The following ATP9A variants were observed in gnomAD, a reference collection of about 807,000 sequenced individuals.
The protein encoded by ATP9A is ATPase phospholipid transporting 9A.
Under a neutral mutation model 144.1 loss-of-function variants are expected in ATP9A, and 52 were observed. That is an observed-to-expected ratio of 0.36 (90% CI 0.29 to 0.45). The LOEUF (loss-of-function observed/expected upper bound fraction) is 0.45, where lower values mean the gene tolerates loss of function less well. Ranked by LOEUF, ATP9A falls within the 20% of genes least tolerant of loss-of-function variation. ATP9A has a pLI of 1.00. For missense variants in ATP9A, 947 were observed against 1,392.7 expected (o/e 0.68, Z 5.09); for synonymous variants, 582 against 557.4 (o/e 1.04, Z -0.62).
intron 14 of ATP9A, among the ~76,000 whole-genome samples, chr20:51,641,707 T>G (rs2122749975): frequency 6.6e-6 from 1 of 151,112 alleles, no homozygotes; most frequent in African/African-American, 2.4e-5. Flanking sequence ...GGCAGGCGCC[T>G]GTAATCCCAG....
chr20:51,729,597 T>A (rs2077731240), intron 2 of ATP9A, among the ~76,000 whole-genome samples: 1 of 151,988 alleles, frequency 6.6e-6, no homozygotes. Context: ...ATACAAAAAT[T>A]AGCCACGCGT....
intron 9 of ATP9A, among the ~76,000 whole-genome samples, chr20:51,679,022 C>G (rs1016671603): frequency 6.6e-6 from 1 of 151,834 alleles, no homozygotes; most frequent in African/African-American, 2.4e-5. Context: ...AGGAGCTTGC[C>G]TATCTAAAAA....
chr20:51,762,552 A>G (rs998843257), intron 1 of ATP9A, among the ~76,000 whole-genome samples: 3 of 151,416 alleles, frequency 2.0e-5, no homozygotes, highest in Non-Finnish European at 4.4e-5. Context: ...CCAGCTACGC[A>G]GGAGGCCGAT....
At chr20:51,759,709 A>T (rs2122917879) in intron 1 of ATP9A, among the ~76,000 whole-genome samples, 1 of 152,238 alleles carries the variant, frequency 6.6e-6, no homozygotes, top group African/African-American at 2.4e-5. Context: ...ATTAAAAAAT[A>T]AAATAAGATG....
At chr20:51,653,147 C>T (rs1353800966) in intron 14 of ATP9A, among the ~76,000 whole-genome samples, 1 of 150,562 alleles carries the variant, frequency 6.6e-6, no homozygotes, top group East Asian at 2.0e-4. Context: ...GTAACACTGG[C>T]CTCTGAAGAC....
chr20:51,629,242 T>C (rs2077261567), intron 15 of ATP9A, among the ~76,000 whole-genome samples, 170 bp from the exon 16 acceptor site: 1 of 152,182 alleles, frequency 6.6e-6, no homozygotes, highest in Non-Finnish European at 1.5e-5. Flanking sequence ...GGGCAAAGGC[T>C]ACAGAAAGTA....
intron 1 of ATP9A, among the ~76,000 whole-genome samples, chr20:51,752,121 G>A (rs1373028231): frequency 6.6e-6 from 1 of 152,240 alleles, no homozygotes; most frequent in Admixed American, 6.5e-5. Context: ...CAGAGTGAAT[G>A]GTCTGGAAAG....
At chr20:51,622,926 C>T (rs1401519286) in intron 18 of ATP9A, among the ~76,000 whole-genome samples, 1 of 152,196 alleles carries the variant, frequency 6.6e-6, no homozygotes, top group Non-Finnish European at 1.5e-5. Flanking sequence ...AAGATCATGA[C>T]AATTGTCTCC....
chr20:51,663,356 A>C (rs1241522600), intron 13 of ATP9A, among the ~76,000 whole-genome samples: 1 of 152,218 alleles, frequency 6.6e-6, no homozygotes, highest in East Asian at 1.9e-4. Context: ...ATACAGGTGA[A>C]TTCAATGTTT....
chr20:51,622,653 T>C (rs1228101297), intron 18 of ATP9A, among the ~76,000 whole-genome samples: 1 of 152,108 alleles, frequency 6.6e-6, no homozygotes, highest in Non-Finnish European at 1.5e-5. Flanking sequence ...CGTAAATGAG[T>C]CAGGTTCTTC....
intron 14 of ATP9A, among the ~76,000 whole-genome samples, chr20:51,645,945 A>G (rs944048794): frequency 3.9e-5 from 6 of 152,248 alleles, no homozygotes; most frequent in Non-Finnish European, 7.3e-5. Context: ...TAGGGTCTCA[A>G]TAACTGCAGG....
At chr20:51,765,187 C>G (rs1192284947) in intron 1 of ATP9A, among the ~76,000 whole-genome samples, 2 of 152,162 alleles carry the variant, frequency 1.3e-5, no homozygotes, top group Non-Finnish European at 2.9e-5. Flanking sequence ...CCCCCAGCCC[C>G]TAGTTCTATT....
intron 1 of ATP9A, among the ~76,000 whole-genome samples, chr20:51,751,362 G>A (rs1031151360): frequency 2.0e-5 from 3 of 150,090 alleles, no homozygotes; most frequent in Non-Finnish European, 3.0e-5. Context: ...TGGACTCAAG[G>A]GATCCTCCCA....
chr20:51,760,337 GT>G (rs2077873751), intron 1 of ATP9A, among the ~76,000 whole-genome samples: 1 of 152,110 alleles, frequency 6.6e-6, no homozygotes, highest in Non-Finnish European at 1.5e-5. Context: ...CAAAAATAAT[GT>G]GACCAGAGCC....
intron 13 of ATP9A, among the ~76,000 whole-genome samples, chr20:51,666,992 C>T (rs777837839): frequency 1.3e-5 from 2 of 152,190 alleles, no homozygotes; most frequent in Admixed American, 6.5e-5. Flanking sequence ...GAAAGATGCA[C>T]ACACTCTCAC....
chr20:51,689,153 A>G lies in ATP9A; in HGVS notation c.724-14T>C, dbSNP rs374051688. 1.2e-6 allele frequency: 2 copies of G among 1,613,336 alleles called. No individual in the cohort carries two copies. Among genetic ancestry groups the G allele is most frequent in the Admixed American group, 3.3e-5 (2 of 59,986 alleles). The stretch of plus-strand genomic sequence containing the variant: ...GTCGCTGTCTTCCTGGAAAAGACCA[A>G]ACGGACACACGTTCACCCCCCAAAG... On this transcript the variant is annotated splice_polypyrimidine_tract_variant and intron_variant, in intron 8 of 27. Coordinates refer to ENST00000338821, the MANE Select transcript of ATP9A (RefSeq NM_006045.3).
At chr20:51,630,090 C>T (rs180831948) in intron 15 of ATP9A, among the ~76,000 whole-genome samples, 1 of 152,300 alleles carries the variant, frequency 6.6e-6, no homozygotes, top group Admixed American at 6.5e-5. Context: ...TAGCATCTGA[C>T]GGGTGGAGGC....
At chr20:51,664,600 AAAT>A (rs1333523896) in intron 13 of ATP9A, among the ~76,000 whole-genome samples, 3 of 152,294 alleles carry the variant, frequency 2.0e-5, no homozygotes, top group Non-Finnish European at 4.4e-5. Flanking sequence ...AAAAAAATAA[AAAT>A]AAAAATAAAT....
chr20:51,707,520 G>T (rs1352026867), intron 4 of ATP9A, among the ~76,000 whole-genome samples: 1 of 152,118 alleles, frequency 6.6e-6, no homozygotes, highest in Admixed American at 6.5e-5. Context: ...ACCCTTTAAG[G>T]TAGGTGCTAT....
Sources: allele counts gnomAD v4.1 joint callset (sites outside exome capture counted in the v4.1 genomes callset), GRCh38; gene constraint gnomAD v4.1.1; transcripts MANE v1.5; gene names NCBI Gene and HGNC (gene_info 2026-07-23, HGNC 2026-07-21).